The following SCRG1 variants were observed in gnomAD, a reference collection of about 807,000 sequenced individuals.
The protein encoded by SCRG1 is scrapie-responsive protein 1.
A neutral mutation model predicts 7.7 loss-of-function variants in SCRG1; 3 were observed. The observed-to-expected ratio is 0.39, with a 90% CI of 0.18 to 1.01. The LOEUF is 1.01. SCRG1 is among the 50% of genes least tolerant of loss of function. The probability of loss-of-function intolerance (pLI) is 0.36; values close to 1 mark genes in which losing one functional copy is unlikely to be tolerated. For missense variants in SCRG1, 110 were observed against 117.2 expected, an observed-to-expected ratio of 0.94 and a Z score of 0.28; for synonymous variants, 46 against 41.2, an observed-to-expected ratio of 1.12 and a Z score of -0.44.
At chr4:173,388,960 T>G (rs191456374) in intron 2 of SCRG1, among the ~76,000 whole-genome samples, 275 of 152,308 alleles carry the variant, frequency 1.8e-3, no homozygotes, top group Non-Finnish European at 3.0e-3. Flanking sequence ...TTTCCCAAAA[T>G]CAAGTATACC....
chr4:173,479,427 G>T, the SCRG1 span, among the ~76,000 whole-genome samples: 69 of 132,194 alleles, frequency 5.2e-4, no homozygotes, highest in East Asian at 4.9e-3. Context: ...TGTTTTTTTT[G>T]TTTGTTTGTT....
chr4:173,437,438 A>G, the SCRG1 span, among the ~76,000 whole-genome samples: 1 of 152,246 alleles, frequency 6.6e-6, no homozygotes, highest in African/African-American at 2.4e-5. Flanking sequence ...ACATTTAGCC[A>G]CAGGATGTCA....
At chr4:173,498,097 G>A in the SCRG1 span, among the ~76,000 whole-genome samples, 1 of 152,134 alleles carries the variant, frequency 6.6e-6, no homozygotes, top group Non-Finnish European at 1.5e-5. Flanking sequence ...TCTGAACATT[G>A]GATTTACTTA....
At chr4:173,442,693 A>G in the SCRG1 span, among the ~76,000 whole-genome samples, 1 of 152,208 alleles carries the variant, frequency 6.6e-6, no homozygotes, top group East Asian at 1.9e-4. Flanking sequence ...GGAAAATCCA[A>G]TATCAAAGGG....
At chr4:173,423,229 A>T in the SCRG1 span, among the ~76,000 whole-genome samples, 3 of 152,354 alleles carry the variant, frequency 2.0e-5, no homozygotes, top group Admixed American at 6.5e-5. Flanking sequence ...TTGATTTATC[A>T]CCAATAGTGT....
At chr4:173,477,732 TTCCTTCCTTCCTTCC>T in the SCRG1 span, among the ~76,000 whole-genome samples, 2 of 131,900 alleles carry the variant, frequency 1.5e-5, no homozygotes, top group Admixed American at 1.5e-4. Context: ...CCTTCCTTCC[TTCCTTCCTTCCTTCC>T]TTCCTTCCTT....
the SCRG1 span, among the ~76,000 whole-genome samples, chr4:173,497,666 ACT>A: frequency 7.8e-6 from 1 of 127,422 alleles, no homozygotes; most frequent in Non-Finnish European, 1.6e-5. Flanking sequence ...AAAAAAAAAA[ACT>A]TACTCTTTTT....
the SCRG1 span, among the ~76,000 whole-genome samples, chr4:173,490,135 T>G: frequency 2.0e-5 from 3 of 152,164 alleles, no homozygotes; most frequent in Admixed American, 6.5e-5. Flanking sequence ...CCACGCCAAA[T>G]TTTGCAACAA....
chr4:173,494,269 T>C, the SCRG1 span, among the ~76,000 whole-genome samples: 1 of 152,192 alleles, frequency 6.6e-6, no homozygotes, highest in East Asian at 1.9e-4. Context: ...CTCTTTTGGC[T>C]CTTCTTCCCC....
At chr4:173,484,809 T>G in the SCRG1 span, among the ~76,000 whole-genome samples, 803 of 62,170 alleles carry the variant, frequency 0.013, 21 homozygotes, top group African/African-American at 0.044. Flanking sequence ...ATATTATATA[T>G]TATACATATA....
chr4:173,395,104 A>G (rs1490223982), intron 1 of SCRG1, among the ~76,000 whole-genome samples: 1 of 152,158 alleles, frequency 6.6e-6, no homozygotes, highest in Non-Finnish European at 1.5e-5. Context: ...TTTAAATGTC[A>G]TTCCTTCAAT....
chr4:173,509,618 C>T, the SCRG1 span, among the ~76,000 whole-genome samples: 1 of 152,158 alleles, frequency 6.6e-6, no homozygotes, highest in Non-Finnish European at 1.5e-5. This position sits in a 1 kb window ranked among gnomAD's most constrained non-coding sequence, Gnocchi z 5.7. Flanking sequence ...TCACTTCCTC[C>T]CCGCGCCGCT....
chr4:173,426,499 C>T, the SCRG1 span, among the ~76,000 whole-genome samples: 2 of 152,310 alleles, frequency 1.3e-5, no homozygotes, highest in Admixed American at 1.3e-4. Context: ...CAGGGTCTTT[C>T]TCTGTTGCCC....
At chr4:173,467,119 C>T in the SCRG1 span, among the ~76,000 whole-genome samples, 2,115 of 152,162 alleles carry the variant, frequency 0.014, 23 homozygotes, top group Middle Eastern at 0.048. Flanking sequence ...AAAACATTCC[C>T]CATGGAATGT....
At chr4:173,489,300 A>G in the SCRG1 span, among the ~76,000 whole-genome samples, 1 of 152,228 alleles carries the variant, frequency 6.6e-6, no homozygotes, top group Non-Finnish European at 1.5e-5. Flanking sequence ...CACTGCTTCA[A>G]ATTAAGGTCC....
chr4:173,465,517 T>A, the SCRG1 span, among the ~76,000 whole-genome samples: 2 of 152,078 alleles, frequency 1.3e-5, no homozygotes, highest in African/African-American at 4.8e-5. Flanking sequence ...ACCTTGAGTG[T>A]GGGCAGGATG....
chr4:173,484,547 T>TATATATTATATA, the SCRG1 span, among the ~76,000 whole-genome samples: 1 of 56,678 alleles, frequency 1.8e-5, no homozygotes, highest in African/African-American at 7.5e-5. Context: ...TTATGTATAT[T>TATATATTATATA]TTATATGTTA....
chr4:173,430,853 A>G, the SCRG1 span, among the ~76,000 whole-genome samples: 1 of 151,286 alleles, frequency 6.6e-6, no homozygotes, highest in South Asian at 2.1e-4. Flanking sequence ...AGGAGAGAAA[A>G]TACAGGGAAA....
At chr4:173,452,601 C>T in the SCRG1 span, among the ~76,000 whole-genome samples, 1 of 152,202 alleles carries the variant, frequency 6.6e-6, no homozygotes, top group Non-Finnish European at 1.5e-5. Context: ...GGCTCTCAAA[C>T]CCATTTCCTG....
Sources: gnomAD v4.1 joint callset for allele counts (sites outside exome capture counted in the v4.1 genomes callset) on GRCh38, gnomAD v4.1.1 for gene constraint, Gnocchi (gnomAD v3.1) non-coding constraint, MANE v1.5 for transcripts, NCBI Gene and HGNC (gene_info 2026-07-23, HGNC 2026-07-21) for gene names.